Variants in CYP7B1 observed in about 807,000 individuals in gnomAD.
The protein encoded by CYP7B1 is cytochrome P450 family 7 subfamily B member 1, also known as cytochrome P450 7B1.
CYP7B1 carries 29 observed loss-of-function variants against 42.7 expected under a neutral mutation model. The ratio of observed to expected loss-of-function variants is 0.68; its 90% CI spans 0.51 to 0.93. CYP7B1 has a LOEUF of 0.93. Ranked by LOEUF, CYP7B1 falls within the 40% of genes least tolerant of loss-of-function variation. The probability of loss-of-function intolerance (pLI) is 0.00; values close to 1 mark genes in which losing one functional copy is unlikely to be tolerated. For missense variants in CYP7B1, 655 were observed against 600.5 expected (o/e 1.09, Z -0.95); for synonymous variants, 235 against 218.2 (o/e 1.08, Z -0.68).
At chr8:64,771,837 G>A (rs1358541654) in intron 1 of CYP7B1, among the ~76,000 whole-genome samples, 1 of 152,216 alleles carries the variant, frequency 6.6e-6, no homozygotes. Flanking sequence ...TGCCCATGCA[G>A]CTGAACATGG....
intron 1 of CYP7B1, among the ~76,000 whole-genome samples, chr8:64,776,144 G>T (rs1417890801): frequency 1.3e-5 from 2 of 152,144 alleles, no homozygotes; most frequent in African/African-American, 2.4e-5. Flanking sequence ...GTTCGAAGAG[G>T]AAAGTGCTTA....
At chr8:64,677,051 C>T (rs1220081902) in intron 1 of CYP7B1, among the ~76,000 whole-genome samples, 1 of 151,952 alleles carries the variant, frequency 6.6e-6, no homozygotes, top group Admixed American at 6.6e-5. Flanking sequence ...AAAACAAAAA[C>T]TCAGGAATGT....
At chr8:64,675,064 C>T (rs1282508099) in intron 1 of CYP7B1, among the ~76,000 whole-genome samples, 4 of 152,084 alleles carry the variant, frequency 2.6e-5, no homozygotes. Context: ...CGTTTCTTTA[C>T]ATGAACATGG....
chr8:64,595,232 C>T lies in CYP7B1; in HGVS notation c.*1410G>A, dbSNP rs1805099378. On this transcript the variant is annotated 3_prime_UTR_variant, in exon 6 of 6. Transcript: ENST00000310193. The stretch of plus-strand genomic sequence containing the variant: ...TAGAATTTGCACCAGCAGACCTTCA[C>T]TGAAGGAACATTCAGAACATGTACT... Among the ~76,000 whole-genome samples, 1 of 152,188 alleles carries T rather than the reference C, an allele frequency of 6.6e-6. No homozygotes were observed. The highest frequency in any genetic ancestry group is 6.5e-5 in the Admixed American group (1 of 15,278).
rs1435005941 is a variant in CYP7B1 at position 64,592,074 on chromosome 8, G to A, written c.*4568C>T. On this transcript the variant is annotated 3_prime_UTR_variant, in exon 6 of 6. Coordinates refer to ENST00000310193, the MANE Select transcript of CYP7B1 (RefSeq NM_004820.5). ...ATAGTGGTGGGTGCCTGTAGTCCCA[G>A]CTACTCGGAGGGCTGAGACAAGGGA... Among the ~76,000 whole-genome samples, 1 of 151,842 alleles carries A rather than the reference G, an allele frequency of 6.6e-6. No individual in the cohort carries two copies. The highest frequency in any genetic ancestry group is 1.5e-5 in the Non-Finnish European group (1 of 67,976).
chr8:64,643,002 C>G (rs1805880197), intron 1 of CYP7B1, among the ~76,000 whole-genome samples: 1 of 151,472 alleles, frequency 6.6e-6, no homozygotes, highest in Non-Finnish European at 1.5e-5. Flanking sequence ...GAAGATCCTG[C>G]AACTGTCTCT....
chr8:64,788,276 C>A (rs79067392), intron 1 of CYP7B1, among the ~76,000 whole-genome samples: 2,287 of 152,228 alleles, frequency 0.015, 67 homozygotes, highest in African/African-American at 0.05. Flanking sequence ...GAGTGGGCAG[C>A]GAGAGGTAGG....
chr8:64,644,484 G>T (rs73237792), intron 1 of CYP7B1, among the ~76,000 whole-genome samples: 7,957 of 151,996 alleles, frequency 0.052, 772 homozygotes, highest in African/African-American at 0.18. Context: ...TAAATAATAA[G>T]AATTTAAAGT....
At chr8:64,662,541 T>C (rs949169283) in intron 1 of CYP7B1, among the ~76,000 whole-genome samples, 1 of 152,194 alleles carries the variant, frequency 6.6e-6, no homozygotes. Flanking sequence ...ATAGGCAAGT[T>C]CTATCCTTCC....
Position 64,592,809 on chromosome 8 carries a change from C to A in CYP7B1, c.*3833G>T, listed in dbSNP as rs796158435. Among the ~76,000 whole-genome samples, 2 of 152,150 alleles carry A rather than the reference C, an allele frequency of 1.3e-5. No homozygotes were observed. The highest frequency in any genetic ancestry group is 1.3e-4 in the Admixed American group (2 of 15,272). On this transcript the variant is annotated 3_prime_UTR_variant, in exon 6 of 6. Coordinates refer to ENST00000310193, the MANE Select transcript of CYP7B1 (RefSeq NM_004820.5). The stretch of plus-strand genomic sequence containing the variant: ...AAATGAGGACGTTGAAGCTCTGAGA[C>A]GGAAATTGTTTAATAATAAGCCAGT...
intron 4 of CYP7B1, among the ~76,000 whole-genome samples, chr8:64,606,042 G>C (rs1396634728): frequency 6.6e-6 from 1 of 152,170 alleles, no homozygotes; most frequent in Non-Finnish European, 1.5e-5. Flanking sequence ...AGTAGCTTTG[G>C]GTGCTTTCTC....
At chr8:64,641,525 T>G (rs560386483) in intron 1 of CYP7B1, among the ~76,000 whole-genome samples, 36 of 152,264 alleles carry the variant, frequency 2.4e-4, no homozygotes, top group African/African-American at 8.4e-4. Context: ...CCAGCAATAT[T>G]TACTTGAAAA....
chr8:64,667,150 A>C (rs1806292887), intron 1 of CYP7B1, among the ~76,000 whole-genome samples: 1 of 152,208 alleles, frequency 6.6e-6, no homozygotes, highest in Admixed American at 6.5e-5. Context: ...AAAAGAACCC[A>C]ATGGGGAAAA....
At chr8:64,775,601 T>C (rs2129655751) in intron 1 of CYP7B1, among the ~76,000 whole-genome samples, 1 of 152,256 alleles carries the variant, frequency 6.6e-6, no homozygotes, top group African/African-American at 2.4e-5. Flanking sequence ...ATTATCATAT[T>C]AGTTGCTGAC....
intron 1 of CYP7B1, among the ~76,000 whole-genome samples, chr8:64,749,081 C>A (rs1315891371): frequency 6.6e-6 from 1 of 150,958 alleles, no homozygotes; most frequent in Non-Finnish European, 1.5e-5. Flanking sequence ...TCTTTTTTTT[C>A]TTTTTTCTCT....
intron 1 of CYP7B1, among the ~76,000 whole-genome samples, chr8:64,759,352 T>C (rs1563417867): frequency 6.6e-6 from 1 of 152,218 alleles, no homozygotes; most frequent in African/African-American, 2.4e-5. Context: ...AATTCTGTCA[T>C]CACTTTTGTC....
intron 1 of CYP7B1, among the ~76,000 whole-genome samples, chr8:64,797,026 T>C (rs769004447): frequency 6.6e-6 from 1 of 152,202 alleles, no homozygotes; most frequent in East Asian, 1.9e-4. Flanking sequence ...TAGTGTCCTA[T>C]AGATTTGGGG....
chr8:64,607,468 A>G (rs1805300046), intron 4 of CYP7B1, among the ~76,000 whole-genome samples: 1 of 151,992 alleles, frequency 6.6e-6, no homozygotes, highest in Admixed American at 6.6e-5. Context: ...TGCTATACTT[A>G]GTTCACATGC....
rs1037283313 is a variant in CYP7B1, at chr8:64,595,969, T to C, written c.*673A>G. Among the ~76,000 whole-genome samples, 3 of 152,208 alleles carry C rather than the reference T, an allele frequency of 2.0e-5. No individual in the cohort carries two copies. Among genetic ancestry groups the C allele is most frequent in the African/African-American group, 7.2e-5 (3 of 41,464 alleles). On this transcript the variant is annotated 3_prime_UTR_variant, in exon 6 of 6. Coordinates refer to ENST00000310193, the MANE Select transcript of CYP7B1 (RefSeq NM_004820.5). ...GTGTTTTCTTATACATTAAATCTTA[T>C]CAGTATCTAACTTGAACATGAAAGG... is the stretch of plus-strand genomic sequence containing the variant.
Sources: gnomAD v4.1 joint callset for allele counts (sites outside exome capture counted in the v4.1 genomes callset) on GRCh38, gnomAD v4.1.1 for gene constraint, MANE v1.5 for transcripts, NCBI Gene and HGNC (gene_info 2026-07-23, HGNC 2026-07-21) for gene names.